ASPRV1: variants seen among roughly 807,000 people sequenced by gnomAD.
ASPRV1 encodes retroviral-like aspartic protease 1.
In ASPRV1, 7 loss-of-function variants were observed where a neutral mutation model predicts 11.0. That is an observed-to-expected ratio of 0.64 (90% CI 0.36 to 1.20). ASPRV1 has a LOEUF of 1.20. Ranked by LOEUF, ASPRV1 falls within the 50% of genes most tolerant of loss-of-function variation. The pLI, the probability that ASPRV1 is intolerant of heterozygous loss-of-function variation, is 0.02. For missense variants in ASPRV1, 299 were observed against 320.0 expected (o/e 0.93, Z 0.50); for synonymous variants, 136 against 138.4 (o/e 0.98, Z 0.12).
At chr2:69,933,215 A>C in the ASPRV1 span, among the ~76,000 whole-genome samples, 10,728 of 149,836 alleles carry the variant, frequency 0.072, 478 homozygotes, top group Non-Finnish European at 0.097. Context: ...AAAAAAAAAA[A>C]AAAAAAAAAC....
the ASPRV1 span, among the ~76,000 whole-genome samples, chr2:70,027,740 T>C: frequency 1.3e-5 from 2 of 152,160 alleles, no homozygotes; most frequent in African/African-American, 4.8e-5. Context: ...TACAAACATA[T>C]AGTTAGATAA....
the ASPRV1 span, among the ~76,000 whole-genome samples, chr2:69,953,163 C>G: frequency 6.6e-6 from 1 of 152,264 alleles, no homozygotes; most frequent in South Asian, 2.1e-4. Flanking sequence ...ACCCAAGACA[C>G]TTTTCTTCCC....
chr2:69,973,365 G>T, the ASPRV1 span, among the ~76,000 whole-genome samples: 1 of 152,184 alleles, frequency 6.6e-6, no homozygotes, highest in Non-Finnish European at 1.5e-5. Context: ...CAGAAAGACA[G>T]ATGTTGGAAC....
chr2:69,984,859 T>C, the ASPRV1 span, among the ~76,000 whole-genome samples: 1 of 125,558 alleles, frequency 8.0e-6, no homozygotes, highest in African/African-American at 3.7e-5. Flanking sequence ...CAGGGCCAGC[T>C]TTTTTTTTTT....
the ASPRV1 span, among the ~76,000 whole-genome samples, chr2:70,005,974 C>G: frequency 2.6e-5 from 4 of 152,180 alleles, no homozygotes; most frequent in Non-Finnish European, 4.4e-5. Flanking sequence ...CAGGGTTTCT[C>G]AATGTTAGCA....
chr2:70,047,229 C>G, the ASPRV1 span, among the ~76,000 whole-genome samples: 1 of 152,170 alleles, frequency 6.6e-6, no homozygotes, highest in Non-Finnish European at 1.5e-5. Context: ...AGAACAGGAT[C>G]TAAAGCCAAA....
chr2:70,013,210 C>T, the ASPRV1 span, among the ~76,000 whole-genome samples: 1 of 152,154 alleles, frequency 6.6e-6, no homozygotes, highest in South Asian at 2.1e-4. Context: ...AAGACCCATT[C>T]AAAGTGCAAG....
chr2:70,076,686 T>C, the ASPRV1 span, among the ~76,000 whole-genome samples: 3 of 152,342 alleles, frequency 2.0e-5, no homozygotes, highest in South Asian at 2.1e-4. Context: ...CACTTAACAT[T>C]AGCCTCTAGC....
chr2:69,937,024 G>C, the ASPRV1 span: 1 of 690,056 alleles, frequency 1.4e-6, no homozygotes, highest in South Asian at 1.5e-5. Context: ...GACAGGACAA[G>C]TACCCCCAGC....
At chr2:69,968,746 C>A in the ASPRV1 span, among the ~76,000 whole-genome samples, 2 of 152,218 alleles carry the variant, frequency 1.3e-5, no homozygotes, top group Non-Finnish European at 2.9e-5. Context: ...CACTCCTGGG[C>A]CGTCTGCATG....
chr2:70,035,864 C>T, the ASPRV1 span, among the ~76,000 whole-genome samples: 1 of 151,464 alleles, frequency 6.6e-6, no homozygotes, highest in African/African-American at 2.4e-5. Flanking sequence ...CTAATGACTT[C>T]ACAAAATTTT....
At chr2:70,046,867 G>A in the ASPRV1 span, 1 of 152,096 alleles carries the variant, frequency 6.6e-6, no homozygotes, top group East Asian at 1.9e-4. Flanking sequence ...TGGTAACCAA[G>A]GTAAAAATCA....
chr2:69,979,499 C>A, the ASPRV1 span, among the ~76,000 whole-genome samples: 1 of 152,244 alleles, frequency 6.6e-6, no homozygotes, highest in South Asian at 2.1e-4. Context: ...AGGGCAGAGG[C>A]CTGTACTATG....
At chr2:69,998,789 G>C in the ASPRV1 span, among the ~76,000 whole-genome samples, 1 of 151,724 alleles carries the variant, frequency 6.6e-6, no homozygotes, top group African/African-American at 2.4e-5. Flanking sequence ...GCTAGGAAAA[G>C]ATCCCCAGAG....
At chr2:70,011,923 C>T in the ASPRV1 span, 1 of 152,566 alleles carries the variant, frequency 6.6e-6, no homozygotes, top group Admixed American at 6.5e-5. Flanking sequence ...AGCATCACCG[C>T]TAAGGGAGAA....
At chr2:70,029,278 G>A in the ASPRV1 span, among the ~76,000 whole-genome samples, 3 of 152,232 alleles carry the variant, frequency 2.0e-5, no homozygotes, top group East Asian at 1.9e-4. Flanking sequence ...TATAAGTGAC[G>A]CCCTGACTAC....
At chr2:70,054,778 T>C in the ASPRV1 span, among the ~76,000 whole-genome samples, 1 of 152,042 alleles carries the variant, frequency 6.6e-6, no homozygotes, top group Non-Finnish European at 1.5e-5. Flanking sequence ...CCATTCCTAG[T>C]AGAGGTAGGT....
At chr2:69,938,299 C>A in the ASPRV1 span, 15 of 1,612,038 alleles carry the variant, frequency 9.3e-6, no homozygotes, top group African/African-American at 6.7e-5. Context: ...GTGGGCACTG[C>A]GGCTGTCTCC....
the ASPRV1 span, among the ~76,000 whole-genome samples, chr2:69,969,545 T>C: frequency 6.6e-6 from 1 of 152,112 alleles, no homozygotes; most frequent in African/African-American, 2.4e-5. Flanking sequence ...CCCTGGATAC[T>C]CACAGATGTG....
Sources: allele counts gnomAD v4.1 joint callset (sites outside exome capture counted in the v4.1 genomes callset), GRCh38; gene constraint gnomAD v4.1.1; transcripts MANE v1.5; gene names NCBI Gene and HGNC (gene_info 2026-07-23, HGNC 2026-07-21).